ATXN1: variants seen among roughly 807,000 people sequenced by gnomAD.
ATXN1 encodes the protein ataxin-1.
Under a neutral mutation model 56.4 loss-of-function variants are expected in ATXN1, and 8 were observed. That is an observed-to-expected ratio of 0.14 (90% CI 0.08 to 0.26). The LOEUF (loss-of-function observed/expected upper bound fraction) is 0.26, where lower values mean the gene tolerates loss of function less well. Among genes scored for constraint, ATXN1 ranks in the 10% least tolerant of loss-of-function variants. The pLI is 1.00. For missense variants in ATXN1, 987 were observed against 1,106.5 expected (o/e 0.89, Z 1.53); for synonymous variants, 514 against 494.6 (o/e 1.04, Z -0.52).
At position 16,564,683 on chromosome 6, in the gene ATXN1, G is replaced by A. The variant is rs543742166; in HGVS notation, c.-361+21097C>T. The stretch of plus-strand genomic sequence containing the variant: ...AATCTATATATAGAGAAACAGCTTC[G>A]TGGTTGCCAGGAGCTGAGGGTAGAG... On this transcript the variant is annotated intron_variant, in intron 4 of 7. Coordinates refer to ENST00000436367, the MANE Select transcript of ATXN1 (RefSeq NM_001128164.2). Among the ~76,000 whole-genome samples the A allele has an allele frequency of 2.6e-5, 4 of 152,300 alleles. 1 individual carries two copies. The highest frequency in any genetic ancestry group is 4.2e-4 in the South Asian group (2 of 4,818).
intron 4 of ATXN1, among the ~76,000 whole-genome samples, chr6:16,566,377 T>G (rs1268141176): frequency 6.6e-6 from 1 of 152,078 alleles, no homozygotes; most frequent in Non-Finnish European, 1.5e-5. Context: ...TAATTTTTGT[T>G]GGCATTTTAC....
chr6:16,736,328 G>A (rs1021052865), intron 2 of ATXN1, among the ~76,000 whole-genome samples: 7 of 152,184 alleles, frequency 4.6e-5, no homozygotes, highest in Non-Finnish European at 1.0e-4. Flanking sequence ...TTTGCTTTGT[G>A]TTCTTTCTTT....
At chr6:16,576,627 C>A (rs916954064) in intron 4 of ATXN1, among the ~76,000 whole-genome samples, 3 of 152,174 alleles carry the variant, frequency 2.0e-5, no homozygotes, top group Admixed American at 6.5e-5. Flanking sequence ...AGGAATTTTA[C>A]TTTCACTGTT....
chr6:16,657,173 G>C (rs1042439944), intron 3 of ATXN1, among the ~76,000 whole-genome samples: 1 of 151,788 alleles, frequency 6.6e-6, no homozygotes, highest in Non-Finnish European at 1.5e-5. Context: ...ATTCTTAGTA[G>C]AGACAGGGTT....
At chr6:16,431,616 C>A (rs1016572378) in intron 6 of ATXN1, among the ~76,000 whole-genome samples, 3 of 152,128 alleles carry the variant, frequency 2.0e-5, no homozygotes, top group Admixed American at 2.0e-4. Context: ...TAACTATTTT[C>A]CAGGGAGTAT....
chr6:16,595,914 A>C (rs1037122622), intron 3 of ATXN1, among the ~76,000 whole-genome samples: 17 of 152,200 alleles, frequency 1.1e-4, no homozygotes, highest in African/African-American at 4.1e-4. Flanking sequence ...GTTTTAAGCT[A>C]GTGAGCTGGA....
At chr6:16,525,784 C>G (rs773987108) in intron 4 of ATXN1, among the ~76,000 whole-genome samples, 1 of 151,482 alleles carries the variant, frequency 6.6e-6, no homozygotes, top group Non-Finnish European at 1.5e-5. Flanking sequence ...TACATATACA[C>G]ACCTATGTAC....
At position 16,349,396 on chromosome 6, in the gene ATXN1, G is replaced by A. The variant is rs141695102; in HGVS notation, c.-160-20926C>T. On this transcript the variant is annotated intron_variant, in intron 6 of 7. Transcript: ENST00000436367. ...CACGTGCCTGTAGTTCCAGCTACTC[G>A]GGAGGCTGAGGCAGAAGAATCACTT... is the stretch of plus-strand genomic sequence containing the variant. 2.3e-3 allele frequency among the ~76,000 whole-genome samples: 346 copies of A among 152,138 alleles called. 1 individual carries two copies. The highest frequency in any genetic ancestry group is 7.9e-3 in the African/African-American group (328 of 41,514).
intron 4 of ATXN1, among the ~76,000 whole-genome samples, chr6:16,563,464 G>A (rs1762157279): frequency 6.6e-6 from 1 of 152,230 alleles, no homozygotes; most frequent in East Asian, 1.9e-4. Flanking sequence ...GCTGGTTAGG[G>A]GGCAGGAATA....
At position 16,650,698 on chromosome 6, in the gene ATXN1, T is replaced by A. The variant is rs143983337; in HGVS notation, c.-489+7078A>T. Among the ~76,000 whole-genome samples the A allele has an allele frequency of 1.0e-3, 157 of 152,360 alleles. 1 individual carries two copies. Among genetic ancestry groups the A allele is most frequent in the African/African-American group, 3.6e-3 (150 of 41,588 alleles). ...GTAAACAGGCTGTAACCTATTCTTG[T>A]ACCAATCTCTGGGTTTCGGCGAATC... On this transcript the variant is annotated intron_variant, in intron 3 of 7. Coordinates refer to ENST00000436367, the MANE Select transcript of ATXN1 (RefSeq NM_001128164.2).
At chr6:16,524,496 TCAGACCTCAGTCTGAGC>T (rs1761354385) in intron 4 of ATXN1, among the ~76,000 whole-genome samples, 1 of 152,236 alleles carries the variant, frequency 6.6e-6, no homozygotes, top group African/African-American at 2.4e-5. Context: ...GATTTCAAAG[TCAGACCTCAGTCTGAGC>T]CTCAGCTGAG....
At chr6:16,738,419 A>C (rs1201188439) in intron 2 of ATXN1, 3 of 152,134 alleles carry the variant, frequency 2.0e-5, no homozygotes, top group African/African-American at 7.2e-5. Flanking sequence ...CAACAATTGG[A>C]AGCAACTCAG....
Position 16,748,367 on chromosome 6 carries a change from C to A in ATXN1, c.-615+4866G>T, listed in dbSNP as rs1760602165. Reference sequence around the variant, plus strand: ...GTGTCATGGCTCTTTAAATATTACTCCAAGCCATGCCTTGCCTTATGCACT... The same window carrying A: ...GTGTCATGGCTCTTTAAATATTACTACAAGCCATGCCTTGCCTTATGCACT... On this transcript the variant is annotated intron_variant, in intron 2 of 7. Transcript: ENST00000436367. Among the ~76,000 whole-genome samples the A allele has an allele frequency of 2.0e-5, 3 of 152,236 alleles. No individual in the cohort carries two copies. In the South Asian group the frequency reaches 6.2e-4, roughly 32 times the overall value.
intron 2 of ATXN1, among the ~76,000 whole-genome samples, chr6:16,724,301 T>C (rs927870601): frequency 6.6e-6 from 1 of 151,138 alleles, no homozygotes; most frequent in Non-Finnish European, 1.5e-5. Context: ...CCAAAAGAAT[T>C]TTTTAGGTGT....
intron 6 of ATXN1, among the ~76,000 whole-genome samples, chr6:16,462,671 G>A (rs1418589504): frequency 1.3e-5 from 2 of 152,072 alleles, no homozygotes; most frequent in African/African-American, 4.8e-5. Context: ...TATTACATGA[G>A]CAATGAAAAG....
At chr6:16,536,397 T>C (rs933377737) in intron 4 of ATXN1, among the ~76,000 whole-genome samples, 2 of 152,178 alleles carry the variant, frequency 1.3e-5, no homozygotes, top group African/African-American at 2.4e-5. Context: ...AAAGCAAATA[T>C]AGCAAAATAT....
intron 4 of ATXN1, among the ~76,000 whole-genome samples, chr6:16,579,499 C>T (rs1443695331): frequency 9.3e-6 from 1 of 107,070 alleles, no homozygotes; most frequent in Admixed American, 9.2e-5. Context: ...CCCCACCCGC[C>T]GATTCATTCC....
In ATXN1 at chr6:16,512,714, C is replaced by T. The variant is rs557728819; in HGVS notation, c.-299+9913G>A. On this transcript the variant is annotated intron_variant, in intron 5 of 7. Transcript: ENST00000436367. ...CCCACAGATTTTCAGACACCAACAG[C>T]AACAAACAGTCATTCCCTCCCTCCT... 2.6e-5 allele frequency among the ~76,000 whole-genome samples: 4 copies of T among 152,284 alleles called. No homozygotes were observed. In the East Asian group the frequency reaches 7.7e-4, roughly 29 times the overall value.
rs80310484 is a variant in ATXN1 at position 16,469,820 on chromosome 6, T to C, written c.-161+16152A>G. Reference sequence around the variant, plus strand: ...CCCTACTAAAAATACAAAATTAGCCTGGTGTGGTGGCGGGCACCTGTAATC... The same window carrying C: ...CCCTACTAAAAATACAAAATTAGCCCGGTGTGGTGGCGGGCACCTGTAATC... On this transcript the variant is annotated intron_variant, in intron 6 of 7. Coordinates refer to ENST00000436367, the MANE Select transcript of ATXN1 (RefSeq NM_001128164.2). Among the ~76,000 whole-genome samples, 921 of 151,706 alleles carry C rather than the reference T, an allele frequency of 6.1e-3. 7 individuals carry two copies. The highest frequency in any genetic ancestry group is 0.02 in the African/African-American group (842 of 41,414).
Sources: allele counts gnomAD v4.1 joint callset (sites outside exome capture counted in the v4.1 genomes callset), GRCh38; gene constraint gnomAD v4.1.1; transcripts MANE v1.5; gene names NCBI Gene and HGNC (gene_info 2026-07-23, HGNC 2026-07-21).